LIN28B: variants seen among roughly 807,000 people sequenced by gnomAD.
LIN28B encodes the protein lin-28 RNA binding posttranscriptional regulator B.
Under a neutral mutation model 21.9 loss-of-function variants are expected in LIN28B, and 5 were observed. The observed-to-expected ratio is 0.23, with a 90% confidence interval of 0.12 to 0.48. The LOEUF (loss-of-function observed/expected upper bound fraction) is 0.48, where lower values mean the gene tolerates loss of function less well. Ranked by LOEUF, LIN28B falls within the 20% of genes least tolerant of loss-of-function variation. The pLI is 0.98. For missense variants in LIN28B, 245 were observed against 310.5 expected, an observed-to-expected ratio of 0.79 and a Z score of 1.58; for synonymous variants, 109 against 111.3, an observed-to-expected ratio of 0.98 and a Z score of 0.13.
chr6:105,063,649 A>AAC (rs1554191040), intron 3 of LIN28B, among the ~76,000 whole-genome samples: 2 of 46,668 alleles, frequency 4.3e-5, no homozygotes, highest in Non-Finnish European at 9.8e-5. Context: ...GGGGGGGGGG[A>AAC]AAAAAAGGTA....
At chr6:105,006,774 AAGTTTTGAAGC>A (rs1220412569) in intron 2 of LIN28B, among the ~76,000 whole-genome samples, 2 of 152,152 alleles carry the variant, frequency 1.3e-5, no homozygotes, top group Non-Finnish European at 2.9e-5. Context: ...TTGCTTCCAT[AAGTTTTGAAGC>A]AGGAAAGGGG....
rs1035757771 is a variant in LIN28B, at chr6:105,079,402, T to C, written c.*619T>C. On this transcript the variant is annotated 3_prime_UTR_variant, in exon 4 of 4. Transcript: ENST00000345080. ...TTGAAATCTCTGGAGTAGTAATTTT[T>C]TTCCCCCTTTTTTGAAGGCAGTACC... is the stretch of plus-strand genomic sequence containing the variant. 3.3e-5 allele frequency: 5 copies of C among 152,620 alleles called. No homozygotes were observed. The highest frequency in any genetic ancestry group is 1.2e-4 in the African/African-American group (5 of 41,440). The allele number at this position is 152,620 out of a possible 1,614,324, so 9.5% of individuals were successfully genotyped here.
intron 3 of LIN28B, among the ~76,000 whole-genome samples, chr6:105,058,880 G>A (rs1437003176): frequency 1.3e-5 from 2 of 151,962 alleles, no homozygotes; most frequent in African/African-American, 4.8e-5. Flanking sequence ...ACCTGTTCAC[G>A]TCCATTGTCT....
At chr6:104,963,782 G>A (rs371523285) in intron 2 of LIN28B, among the ~76,000 whole-genome samples, 2 of 152,112 alleles carry the variant, frequency 1.3e-5, no homozygotes, top group Non-Finnish European at 2.9e-5. Flanking sequence ...TTAGCCTTTG[G>A]TGTTGCATGT....
rs771013451 is a variant in LIN28B at position 104,992,512 on chromosome 6, G to GTT, written c.199-33785_199-33784insTT. Among the ~76,000 whole-genome samples the GTT allele has an allele frequency of 1.0e-3, 113 of 113,530 alleles. 1 individual carries two copies. The highest frequency in any genetic ancestry group is 2.7e-3 in the African/African-American group (91 of 33,914). The allele number at this position is 113,530 out of a possible 152,430, so 74.5% of individuals were successfully genotyped here. On this transcript the variant is annotated intron_variant, in intron 2 of 3. Transcript: ENST00000345080. Reference sequence around the variant, plus strand: ...TGTGTGTGTGTGTGTGTGTGTGTGTGTGTTTTTTTTTTAAACAGGGTCTCA... The same window carrying GTT: ...TGTGTGTGTGTGTGTGTGTGTGTGTGTTTGTTTTTTTTTTAAACAGGGTCTCA...
intron 2 of LIN28B, among the ~76,000 whole-genome samples, chr6:104,942,318 GTTTC>G (rs769914604): frequency 6.6e-5 from 10 of 152,006 alleles, no homozygotes; most frequent in Non-Finnish European, 1.5e-4. Flanking sequence ...AAATATTAAT[GTTTC>G]TTTTTTTGGT....
chr6:105,049,410 C>T (rs776572209), intron 3 of LIN28B, among the ~76,000 whole-genome samples: 15 of 152,152 alleles, frequency 9.9e-5, no homozygotes, highest in Non-Finnish European at 1.5e-4. Flanking sequence ...CTGAGGAGTG[C>T]TTTACTTCCA....
intron 3 of LIN28B, among the ~76,000 whole-genome samples, chr6:105,076,883 C>T (rs973892605): frequency 1.3e-5 from 2 of 151,738 alleles, no homozygotes; most frequent in East Asian, 2.0e-4. Flanking sequence ...GGATTACAAG[C>T]GTGAGCCACC....
chr6:105,055,481 G>A (rs1224316638), intron 3 of LIN28B, among the ~76,000 whole-genome samples: 1 of 152,074 alleles, frequency 6.6e-6, no homozygotes, highest in Non-Finnish European at 1.5e-5. Flanking sequence ...CTTGATTAAG[G>A]GCCAGGTTGC....
chr6:105,063,466 T>G (rs1398978193), intron 3 of LIN28B, among the ~76,000 whole-genome samples: 1 of 152,074 alleles, frequency 6.6e-6, no homozygotes, highest in Non-Finnish European at 1.5e-5. Flanking sequence ...TAAAAACCCA[T>G]CTCTACTAAA....
intron 2 of LIN28B, among the ~76,000 whole-genome samples, chr6:105,017,384 T>C (rs1193289935): frequency 2.0e-5 from 3 of 152,192 alleles, no homozygotes; most frequent in Non-Finnish European, 4.4e-5. Flanking sequence ...ACCTCTTCCA[T>C]CTCTGTGTCA....
At chr6:104,953,333 T>C (rs1322624007), upstream of LIN28B, among the ~76,000 whole-genome samples, 1 of 152,116 alleles carries the variant, frequency 6.6e-6, no homozygotes, top group Non-Finnish European at 1.5e-5. Context: ...GGGTGCTCAT[T>C]TTCTTGGGTT....
intron 2 of LIN28B, among the ~76,000 whole-genome samples, chr6:104,974,158 CTG>C (rs1450652275): frequency 1.3e-5 from 2 of 152,098 alleles, no homozygotes; most frequent in Non-Finnish European, 2.9e-5. Flanking sequence ...CTTAGAAAGA[CTG>C]TTTGTGAAGT....
Position 105,081,671 on chromosome 6 carries a change from C to G in LIN28B, c.*2888C>G, listed in dbSNP as rs1009162233. 1 of 152,284 alleles carries G rather than the reference C, an allele frequency of 6.6e-6. No individual in the cohort carries two copies. Among genetic ancestry groups the G allele is most frequent in the Non-Finnish European group, 1.5e-5 (1 of 68,038 alleles). 9.4% of individuals were successfully genotyped at this position (152,284 alleles called of 1,614,324 possible). A position where few individuals can be genotyped will look rare whatever the true frequency, so the allele number is the denominator to read the frequency against. On this transcript the variant is annotated 3_prime_UTR_variant, in exon 4 of 4. Coordinates refer to ENST00000345080, the MANE Select transcript of LIN28B (RefSeq NM_001004317.4). The stretch of plus-strand genomic sequence containing the variant: ...TTAAAGAATTATGGGCACTGTTCAA[C>G]TTAAGCAAAACAGAACACGGAAGCA...
chr6:105,020,972 G>T (rs1298851012), intron 2 of LIN28B, among the ~76,000 whole-genome samples: 1 of 150,812 alleles, frequency 6.6e-6, no homozygotes, highest in African/African-American at 2.4e-5. Flanking sequence ...AGCCAGGATG[G>T]TCTTGATTTC....
intron 2 of LIN28B, among the ~76,000 whole-genome samples, chr6:104,961,668 G>T (rs1769741756): frequency 6.6e-6 from 1 of 152,118 alleles, no homozygotes; most frequent in South Asian, 2.1e-4. Flanking sequence ...CCAAAGTGCT[G>T]GGATTACAGG....
chr6:104,965,304 C>T (rs1474808958), intron 2 of LIN28B, among the ~76,000 whole-genome samples: 4 of 152,098 alleles, frequency 2.6e-5, no homozygotes, highest in African/African-American at 9.7e-5. Flanking sequence ...CTGAGGCTGG[C>T]AGATTGAGCC....
chr6:105,078,328 G>C, intron 3 of LIN28B, 86 bp from the exon 4 acceptor site: 2 of 1,189,676 alleles, frequency 1.7e-6, no homozygotes, highest in Non-Finnish European at 2.4e-6. Flanking sequence ...TATCTCATTG[G>C]TAGTTTGTGT....
At chr6:104,943,693 T>G (rs1178826398) in intron 2 of LIN28B, among the ~76,000 whole-genome samples, 1 of 151,846 alleles carries the variant, frequency 6.6e-6, no homozygotes, top group Non-Finnish European at 1.5e-5. Flanking sequence ...AGATACTCAG[T>G]TTTTTTTGTT....
Sources: gnomAD v4.1 joint callset for allele counts (sites outside exome capture counted in the v4.1 genomes callset) on GRCh38, gnomAD v4.1.1 for gene constraint, MANE v1.5 for transcripts, NCBI Gene and HGNC (gene_info 2026-07-23, HGNC 2026-07-21) for gene names.